Variants in PIK3C2G observed in about 807,000 individuals in gnomAD.
PIK3C2G encodes the protein phosphatidylinositol-4-phosphate 3-kinase catalytic subunit type 2 gamma, also known as phosphatidylinositol 3-kinase C2 domain-containing subunit gamma.
PIK3C2G carries 168 observed loss-of-function variants against 181.1 expected under a neutral mutation model. That is an observed-to-expected ratio of 0.93 (90% confidence interval 0.82 to 1.05). The LOEUF (loss-of-function observed/expected upper bound fraction) is 1.05, where lower values mean the gene tolerates loss of function less well. Ranked by LOEUF, PIK3C2G falls within the 50% of genes least tolerant of loss-of-function variation. The pLI is 0.00. For synonymous variants in PIK3C2G, 573 were observed against 592.2 expected, an observed-to-expected ratio of 0.97 and a Z score of 0.47; for missense variants, 1,869 against 1,732.8, an observed-to-expected ratio of 1.08 and a Z score of -1.40.
chr12:18,594,789 T>G (rs1414646427), intron 30 of PIK3C2G, among the ~76,000 whole-genome samples: 10 of 152,070 alleles, frequency 6.6e-5, no homozygotes, highest in Admixed American at 1.3e-4. Flanking sequence ...GGGGCTTTGA[T>G]GAAAGGTTGA....
At chr12:18,338,122 T>C (rs1938723647) in intron 8 of PIK3C2G, among the ~76,000 whole-genome samples, 1 of 152,144 alleles carries the variant, frequency 6.6e-6, no homozygotes, top group Non-Finnish European at 1.5e-5. Flanking sequence ...TCTTTTCCTC[T>C]CCCTCTTCCT....
chr12:18,692,751 G>A, the PIK3C2G span: 1 of 1,165,312 alleles, frequency 8.6e-7, no homozygotes, highest in Admixed American at 1.7e-5. Context: ...AGCTCTCCCA[G>A]GCCAAGGCAA....
chr12:18,270,801 T>C (rs187636043), intron 1 of PIK3C2G, among the ~76,000 whole-genome samples: 47 of 152,238 alleles, frequency 3.1e-4, no homozygotes, highest in African/African-American at 1.0e-3. Flanking sequence ...CCTTCTATTA[T>C]TAAAATATAT....
intron 26 of PIK3C2G, among the ~76,000 whole-genome samples, chr12:18,559,817 T>C (rs1311365900): frequency 9.0e-5 from 2 of 22,172 alleles, no homozygotes; most frequent in Non-Finnish European, 1.7e-4. Flanking sequence ...TATATATATA[T>C]ATATAGAGAG....
At chr12:18,661,374 A>AG in the PIK3C2G span, among the ~76,000 whole-genome samples, 2 of 107,030 alleles carry the variant, frequency 1.9e-5, no homozygotes, top group Admixed American at 9.1e-5. Context: ...AAAATAAAAA[A>AG]AAAGAGAGAG....
chr12:18,268,617 C>T (rs1364238384), intron 1 of PIK3C2G, among the ~76,000 whole-genome samples: 1 of 152,026 alleles, frequency 6.6e-6, no homozygotes, highest in East Asian at 1.9e-4. Flanking sequence ...ACTGTTGTGC[C>T]TCCTATGCAG....
At chr12:18,278,369 A>T (rs931432549) in intron 1 of PIK3C2G, among the ~76,000 whole-genome samples, 1 of 152,180 alleles carries the variant, frequency 6.6e-6, no homozygotes, top group African/African-American at 2.4e-5. Flanking sequence ...CACATATCAC[A>T]GCAGTCTGAT....
Position 18,391,206 on chromosome 12 carries a change from T to C in PIK3C2G, c.2080T>C (p.Cys694Arg). ...TAATCTTGAAGAGCCACTAAAGGAG[T>C]GTATAAAACATATTGCCAGACTTTC... Reference protein sequence around the residue: ...RSNLEEPLKECIKHIARLSQK... With the variant: ...RSNLEEPLKERIKHIARLSQK... Residue 694 changes from cysteine (C) to arginine (R), a missense_variant, in exon 15 of 33, where the codon TGT becomes CGT. Coordinates refer to ENST00000538779, the MANE Select transcript of PIK3C2G (RefSeq NM_001288772.2). The C allele has an allele frequency of 6.2e-7, 1 of 1,605,426 alleles. No homozygotes were observed. Among genetic ancestry groups the C allele is most frequent in the East Asian group, 2.3e-5 (1 of 44,356 alleles).
intron 24 of PIK3C2G, among the ~76,000 whole-genome samples, chr12:18,534,548 C>T (rs1943738020): frequency 6.6e-6 from 1 of 151,988 alleles, no homozygotes. Flanking sequence ...ACAAGCTCTT[C>T]ACTATATGAG....
At chr12:18,347,403 T>A (rs892706375) in intron 11 of PIK3C2G, among the ~76,000 whole-genome samples, 1 of 152,300 alleles carries the variant, frequency 6.6e-6, no homozygotes, top group Middle Eastern at 3.4e-3. Context: ...ATAACATAAT[T>A]ACAGTAATAT....
chr12:18,316,518 C>G (rs1251647133), intron 6 of PIK3C2G, among the ~76,000 whole-genome samples: 1 of 152,146 alleles, frequency 6.6e-6, no homozygotes, highest in Non-Finnish European at 1.5e-5. Flanking sequence ...AACTTACAAG[C>G]TTATCCATCC....
chr12:18,540,428 G>A (rs113469595), intron 25 of PIK3C2G, among the ~76,000 whole-genome samples: 1 of 151,942 alleles, frequency 6.6e-6, no homozygotes, highest in East Asian at 1.9e-4. Flanking sequence ...TGAAAACTGA[G>A]CATGTTAAAA....
intron 6 of PIK3C2G, among the ~76,000 whole-genome samples, chr12:18,315,031 G>A (rs1291775584): frequency 2.0e-5 from 3 of 152,114 alleles, no homozygotes; most frequent in African/African-American, 7.2e-5. Flanking sequence ...AGTGAACTTT[G>A]GTATTATGGC....
chr12:18,301,084 G>A (rs1211781609), intron 5 of PIK3C2G, among the ~76,000 whole-genome samples: 1 of 152,122 alleles, frequency 6.6e-6, no homozygotes, highest in African/African-American at 2.4e-5. Flanking sequence ...CTGTTAGGCT[G>A]ATGGCGATTT....
chr12:18,349,215 A>T (rs1276766710), intron 11 of PIK3C2G, among the ~76,000 whole-genome samples: 1 of 152,170 alleles, frequency 6.6e-6, no homozygotes, highest in East Asian at 1.9e-4. Context: ...GGGTTCGCAT[A>T]CCAGGAGACA....
rs140577527 is a variant in PIK3C2G, at chr12:18,335,593, A to G, written c.1273-2833A>G. Among the ~76,000 whole-genome samples, 1,403 of 152,178 alleles carry G rather than the reference A, an allele frequency of 9.2e-3. 24 individuals carry two copies. Among genetic ancestry groups the G allele is most frequent in the African/African-American group, 0.032 (1,349 of 41,508 alleles). The stretch of plus-strand genomic sequence containing the variant: ...ATGTATCAAAAAATACTCACATCAC[A>G]ATTCTACCAGAAATATTTGTCTGTG... On this transcript the variant is annotated intron_variant, in intron 8 of 32. Transcript: ENST00000538779.
At chr12:18,708,159 C>A in the PIK3C2G span, among the ~76,000 whole-genome samples, 686 of 152,308 alleles carry the variant, frequency 4.5e-3, 5 homozygotes, top group African/African-American at 0.016. Flanking sequence ...ACCTACCTTT[C>A]TCCATTTTCT....
intron 31 of PIK3C2G, among the ~76,000 whole-genome samples, chr12:18,639,581 T>A (rs1191211030): frequency 6.6e-6 from 1 of 152,294 alleles, no homozygotes; most frequent in Admixed American, 6.5e-5. Context: ...AAAGGTAAAA[T>A]CCATTTCTTT....
intron 10 of PIK3C2G, 32 bp from the exon 11 acceptor site, chr12:18,346,609 T>C: frequency 7.3e-7 from 1 of 1,364,982 alleles, no homozygotes; most frequent in Non-Finnish European, 1.0e-6. Flanking sequence ...TGGCCCTTCT[T>C]AGTGACTTGA....
Sources: gnomAD v4.1 joint callset for allele counts (sites outside exome capture counted in the v4.1 genomes callset) on GRCh38, gnomAD v4.1.1 for gene constraint, MANE v1.5 for transcripts, NCBI Gene and HGNC (gene_info 2026-07-23, HGNC 2026-07-21) for gene names.